WWOX: variants seen among roughly 807,000 people sequenced by gnomAD.
WWOX encodes the protein WW domain-containing oxidoreductase.
WWOX carries 69 observed loss-of-function variants against 46.2 expected under a neutral mutation model. The observed-to-expected ratio is 1.49, with a 90% CI of 1.23 to 1.82. WWOX has a LOEUF of 1.82. Ranked by LOEUF, WWOX falls within the 40% of genes most tolerant of loss-of-function variation. The pLI is 0.00. For missense variants in WWOX, 919 were observed against 542.6 expected (o/e 1.69, Z -6.89); for synonymous variants, 359 against 202.6 (o/e 1.77, Z -6.56).
At chr16:78,643,091 C>T (rs188900239) in intron 8 of WWOX, among the ~76,000 whole-genome samples, 1 of 152,276 alleles carries the variant, frequency 6.6e-6, no homozygotes, top group East Asian at 1.9e-4. Context: ...AGATAAGGTG[C>T]TCTCCATTGT....
intron 5 of WWOX, among the ~76,000 whole-genome samples, chr16:78,188,177 A>C (rs1345851437): frequency 6.6e-6 from 1 of 152,188 alleles, no homozygotes; most frequent in Non-Finnish European, 1.5e-5. Flanking sequence ...AGAAGAGTTT[A>C]CATCTGAACA....
At chr16:78,888,297 C>T (rs536880634) in intron 8 of WWOX, among the ~76,000 whole-genome samples, 1 of 152,298 alleles carries the variant, frequency 6.6e-6, no homozygotes, top group South Asian at 2.1e-4. Context: ...AGTGTGATTA[C>T]AGTGAGGAGA....
intron 8 of WWOX, among the ~76,000 whole-genome samples, chr16:79,209,792 A>C (rs1407409366): frequency 6.6e-6 from 1 of 152,238 alleles, no homozygotes; most frequent in Non-Finnish European, 1.5e-5. Flanking sequence ...GGGATGCAGA[A>C]GAGCCAGATA....
intron 5 of WWOX, chr16:78,278,488 G>A: frequency 9.5e-7 from 1 of 1,050,094 alleles, no homozygotes; most frequent in South Asian, 1.5e-5. Context: ...TATTTAACCA[G>A]CTTGAATTTG....
At chr16:79,175,754 A>G (rs1463943373) in intron 8 of WWOX, among the ~76,000 whole-genome samples, 2 of 152,202 alleles carry the variant, frequency 1.3e-5, no homozygotes, top group African/African-American at 2.4e-5. Context: ...AGAGTTACTC[A>G]TACGACTTAC....
At chr16:78,605,215 A>C (rs2151623049) in intron 8 of WWOX, among the ~76,000 whole-genome samples, 1 of 150,918 alleles carries the variant, frequency 6.6e-6, no homozygotes, top group Non-Finnish European at 1.5e-5. Context: ...ATGATATTTG[A>C]TATGTCATTG....
intron 8 of WWOX, among the ~76,000 whole-genome samples, chr16:79,120,781 G>C (rs914974465): frequency 1.3e-5 from 2 of 152,074 alleles, no homozygotes; most frequent in African/African-American, 4.8e-5. Context: ...GTTGTTGTTT[G>C]TTTCTGAGAC....
At chr16:79,093,966 C>T (rs1030341118) in intron 8 of WWOX, among the ~76,000 whole-genome samples, 1 of 152,166 alleles carries the variant, frequency 6.6e-6, no homozygotes, top group Non-Finnish European at 1.5e-5. Context: ...AGTACCGTGT[C>T]ATATACCACT....
chr16:78,187,704 A>G (rs999706077), intron 5 of WWOX, among the ~76,000 whole-genome samples: 3 of 152,184 alleles, frequency 2.0e-5, no homozygotes, highest in African/African-American at 4.8e-5. Context: ...TGTAACAGAA[A>G]TCGGTTCCTT....
chr16:78,890,310 GC>G (rs1222495126), intron 8 of WWOX: 1 of 135,262 alleles, frequency 7.4e-6, no homozygotes, highest in African/African-American at 3.9e-5. Flanking sequence ...TTGACCTCTT[GC>G]CTCTCCATCA....
In WWOX at chr16:78,632,804, C is replaced by T. The variant is rs148617809; in HGVS notation, c.1056+200052C>T. Among the ~76,000 whole-genome samples, 484 of 151,916 alleles carry T rather than the reference C, an allele frequency of 3.2e-3. 4 individuals carry two copies. The highest frequency in any genetic ancestry group is 0.011 in the African/African-American group (456 of 41,460). On this transcript the variant is annotated intron_variant, in intron 8 of 8. Transcript: ENST00000566780. ...AACTCCTGACCTCAGGTGATCCACCCGCCTCAGCCTCCCACAGTGCTGGGG... is the reference window on the plus strand; with the variant it reads ...AACTCCTGACCTCAGGTGATCCACCTGCCTCAGCCTCCCACAGTGCTGGGG...
intron 5 of WWOX, among the ~76,000 whole-genome samples, chr16:78,213,033 A>G (rs1210249768): frequency 1.3e-5 from 2 of 151,998 alleles, no homozygotes; most frequent in African/African-American, 4.8e-5. Flanking sequence ...TGGGCGGATC[A>G]CTTTAGGTCA....
intron 8 of WWOX, among the ~76,000 whole-genome samples, chr16:78,995,917 T>C (rs1011387752): frequency 3.9e-5 from 6 of 152,226 alleles, no homozygotes; most frequent in African/African-American, 1.4e-4. Context: ...TTTGCGTTTA[T>C]ACCTCTGTGA....
At chr16:78,745,192 C>T (rs1197886961) in intron 8 of WWOX, among the ~76,000 whole-genome samples, 1 of 152,212 alleles carries the variant, frequency 6.6e-6, no homozygotes, top group Non-Finnish European at 1.5e-5. Context: ...AGGATCTTTC[C>T]TGGAAGAACT....
At chr16:78,500,784 G>C (rs950874223) in intron 8 of WWOX, among the ~76,000 whole-genome samples, 1 of 152,170 alleles carries the variant, frequency 6.6e-6, no homozygotes, top group Non-Finnish European at 1.5e-5. Context: ...TATTCAGGCA[G>C]TGTTTACCAA....
intron 8 of WWOX, among the ~76,000 whole-genome samples, chr16:79,077,175 A>G (rs968076543): frequency 1.3e-5 from 2 of 152,132 alleles, no homozygotes; most frequent in Admixed American, 1.3e-4. Flanking sequence ...AAAGTACTTG[A>G]CCCTGGGCCT....
At chr16:78,997,165 T>C (rs2047007380) in intron 8 of WWOX, among the ~76,000 whole-genome samples, 3 of 149,492 alleles carry the variant, frequency 2.0e-5, no homozygotes, top group Non-Finnish European at 4.4e-5. Context: ...GGGGTGCTAT[T>C]TTCCGGGGGA....
intron 5 of WWOX, among the ~76,000 whole-genome samples, chr16:78,335,856 C>G (rs945303668): frequency 1.3e-5 from 2 of 152,124 alleles, no homozygotes; most frequent in Non-Finnish European, 1.5e-5. Flanking sequence ...CTTTGTGAGG[C>G]CGAGGCGGGT....
intron 8 of WWOX, among the ~76,000 whole-genome samples, chr16:78,725,835 G>A (rs997316208): frequency 2.0e-5 from 3 of 151,946 alleles, no homozygotes; most frequent in African/African-American, 7.3e-5. Flanking sequence ...GTGTTCCTTG[G>A]CTTGTAGGTG....
Sources: allele counts gnomAD v4.1 joint callset (sites outside exome capture counted in the v4.1 genomes callset), GRCh38; gene constraint gnomAD v4.1.1; transcripts MANE v1.5; gene names NCBI Gene and HGNC (gene_info 2026-07-23, HGNC 2026-07-21).